RSRC1: variants seen among roughly 807,000 people sequenced by gnomAD.
RSRC1 encodes the protein serine/Arginine-related protein 53.
A neutral mutation model predicts 49.1 loss-of-function variants in RSRC1; 39 were observed. The observed-to-expected ratio is 0.79, with a 90% CI of 0.61 to 1.04. The LOEUF is 1.04. Among genes scored for constraint, RSRC1 ranks in the 50% least tolerant of loss-of-function variants. The pLI, the probability that RSRC1 is intolerant of heterozygous loss-of-function variation, is 0.00. For synonymous variants in RSRC1, 143 were observed against 130.8 expected, an observed-to-expected ratio of 1.09 and a Z score of -0.63; for missense variants, 388 against 402.4, an observed-to-expected ratio of 0.96 and a Z score of 0.31.
chr3:158,425,291 G>A (rs6790259), intron 6 of RSRC1, among the ~76,000 whole-genome samples: 11,398 of 151,832 alleles, frequency 0.075, 1,475 homozygotes, highest in African/African-American at 0.26. Context: ...CTTTGTTCTC[G>A]TTGATTTCAA....
chr3:158,194,052 TATAC>T (rs1461459082), intron 3 of RSRC1, among the ~76,000 whole-genome samples: 8 of 112,920 alleles, frequency 7.1e-5, no homozygotes, highest in Admixed American at 1.0e-4. Context: ...AGACCCCGTC[TATAC>T]ACACACACAC....
intron 7 of RSRC1, among the ~76,000 whole-genome samples, chr3:158,476,152 C>G (rs1458586357): frequency 6.6e-6 from 1 of 152,082 alleles, no homozygotes; most frequent in African/African-American, 2.4e-5. Context: ...GGTCCTAACT[C>G]CCTTCAATTC....
chr3:158,499,028 G>C (rs1178320549), intron 7 of RSRC1, among the ~76,000 whole-genome samples: 1 of 152,042 alleles, frequency 6.6e-6, no homozygotes, highest in Non-Finnish European at 1.5e-5. Flanking sequence ...TGTTCTTTTT[G>C]CTTAATCTTG....
chr3:158,507,147 G>T (rs1739897666), intron 7 of RSRC1, among the ~76,000 whole-genome samples: 1 of 152,028 alleles, frequency 6.6e-6, no homozygotes, highest in African/African-American at 2.4e-5. Flanking sequence ...AACACAGAAA[G>T]ACAAATATCA....
At chr3:158,389,764 A>T (rs1733165639) in intron 6 of RSRC1, among the ~76,000 whole-genome samples, 1 of 152,196 alleles carries the variant, frequency 6.6e-6, no homozygotes, top group African/African-American at 2.4e-5. Context: ...TTACATGTGT[A>T]TCTGGTAGGG....
chr3:158,347,065 G>A (rs562197167), intron 5 of RSRC1, among the ~76,000 whole-genome samples: 1 of 152,258 alleles, frequency 6.6e-6, no homozygotes, highest in South Asian at 2.1e-4. Context: ...AAAGCTATCT[G>A]AAAATGTTTT....
chr3:158,117,682 A>G (rs1347909696), intron 1 of RSRC1, among the ~76,000 whole-genome samples: 1 of 152,038 alleles, frequency 6.6e-6, no homozygotes, highest in Admixed American at 6.6e-5. Flanking sequence ...CTGGGGGTGC[A>G]GTGGTGGGAT....
At chr3:158,479,800 A>G (rs1327977799) in intron 7 of RSRC1, among the ~76,000 whole-genome samples, 2 of 152,042 alleles carry the variant, frequency 1.3e-5, no homozygotes, top group Non-Finnish European at 2.9e-5. Context: ...GGCTAATTTA[A>G]CTGATCCATC....
chr3:158,203,275 G>A (rs1159911447), intron 4 of RSRC1, 30 bp downstream of exon 4: 4 of 1,544,704 alleles, frequency 2.6e-6, no homozygotes. Context: ...ATCTGGTAAG[G>A]ACTTGGTGAT....
intron 8 of RSRC1, among the ~76,000 whole-genome samples, chr3:158,543,032 G>A (rs1713128283): frequency 1.3e-5 from 2 of 151,946 alleles, no homozygotes; most frequent in Admixed American, 6.6e-5. Flanking sequence ...AGAAATGATT[G>A]ACATTTTCTC....
chr3:158,114,216 G>A (rs2108150053), intron 1 of RSRC1, among the ~76,000 whole-genome samples: 1 of 152,178 alleles, frequency 6.6e-6, no homozygotes, highest in South Asian at 2.1e-4. Context: ...TCTACATATG[G>A]CTAGCCAGTT....
intron 3 of RSRC1, among the ~76,000 whole-genome samples, chr3:158,160,724 T>C (rs1657499526): frequency 6.6e-6 from 1 of 152,202 alleles, no homozygotes; most frequent in Admixed American, 6.5e-5. Flanking sequence ...GATGGTGTGT[T>C]GGAAATTTTC....
At chr3:158,477,980 C>G (rs1014905380) in intron 7 of RSRC1, among the ~76,000 whole-genome samples, 4 of 150,804 alleles carry the variant, frequency 2.7e-5, no homozygotes, top group African/African-American at 7.3e-5. Context: ...GTTGTATCTG[C>G]TTGATAATTC....
chr3:158,512,618 A>C (rs931140343), intron 7 of RSRC1, among the ~76,000 whole-genome samples: 8 of 151,666 alleles, frequency 5.3e-5, no homozygotes, highest in African/African-American at 1.9e-4. Flanking sequence ...GGTTCCATAT[A>C]AACTTTAAAG....
At chr3:158,116,065 A>G (rs1047845027) in intron 1 of RSRC1, among the ~76,000 whole-genome samples, 1 of 152,120 alleles carries the variant, frequency 6.6e-6, no homozygotes. Context: ...TAATGTTAAC[A>G]CCCTTCATTA....
chr3:158,396,190 C>A (rs373105757), intron 6 of RSRC1, among the ~76,000 whole-genome samples: 1 of 151,910 alleles, frequency 6.6e-6, no homozygotes, highest in East Asian at 1.9e-4. Context: ...GGCCTACTTA[C>A]GGCAGAGGTT....
chr3:158,198,139 A>G lies in RSRC1; in HGVS notation c.321-4933A>G, dbSNP rs536077773. Among the ~76,000 whole-genome samples the G allele has an allele frequency of 1.6e-4, 24 of 151,976 alleles. No homozygotes were observed. The East Asian group carries it at 3.5e-3, about 22-fold the overall frequency. ...GTGTGGGAGTCTAAGTCTCTTTGTAAGTCTCTGAGGACTTGCTTTATGAAT... is the reference window on the plus strand; with the variant it reads ...GTGTGGGAGTCTAAGTCTCTTTGTAGGTCTCTGAGGACTTGCTTTATGAAT... On this transcript the variant is annotated intron_variant, in intron 3 of 9. Coordinates refer to ENST00000611884, the MANE Select transcript of RSRC1 (RefSeq NM_001271838.2).
intron 7 of RSRC1, among the ~76,000 whole-genome samples, chr3:158,495,579 C>T (rs1739286488): frequency 6.6e-6 from 1 of 152,156 alleles, no homozygotes; most frequent in Admixed American, 6.5e-5. Flanking sequence ...AGCAACCATG[C>T]CCGGCCTCCA....
chr3:158,544,432 G>T lies in RSRC1; in HGVS notation c.*157G>T. 1 of 425,668 alleles carries T rather than the reference G, an allele frequency of 2.3e-6. No individual in the cohort carries two copies. The allele number at this position is 425,668 out of a possible 1,614,324, so 26.4% of individuals were successfully genotyped here. Reference sequence around the variant, plus strand: ...GTCTCTCATGTAGGCTTGAATATTTGTTAATTTGAATTAAATCAAACATTG... The same window carrying T: ...GTCTCTCATGTAGGCTTGAATATTTTTTAATTTGAATTAAATCAAACATTG... On this transcript the variant is annotated 3_prime_UTR_variant, in exon 10 of 10. Transcript: ENST00000611884.
Sources: allele counts gnomAD v4.1 joint callset (sites outside exome capture counted in the v4.1 genomes callset), GRCh38; gene constraint gnomAD v4.1.1; transcripts MANE v1.5; gene names NCBI Gene and HGNC (gene_info 2026-07-23, HGNC 2026-07-21).